Variants in SNX3 observed in about 807,000 individuals in gnomAD.
SNX3 encodes the protein sorting nexin-3.
Under a neutral mutation model 17.7 loss-of-function variants are expected in SNX3, and 5 were observed. The observed-to-expected ratio is 0.28, with a 90% CI of 0.15 to 0.59. The LOEUF (loss-of-function observed/expected upper bound fraction) is 0.59, where lower values mean the gene tolerates loss of function less well. Ranked by LOEUF, SNX3 falls within the 20% of genes least tolerant of loss-of-function variation. The probability of loss-of-function intolerance (pLI) is 0.88; values close to 1 mark genes in which losing one functional copy is unlikely to be tolerated. For missense variants in SNX3, 132 were observed against 206.8 expected (o/e 0.64, Z 2.22); for synonymous variants, 91 against 76.5 (o/e 1.19, Z -0.99).
In SNX3 at chr6:108,239,890, T is replaced by C. The variant is rs138493135; in HGVS notation, c.163-16845A>G. Among the ~76,000 whole-genome samples the C allele has an allele frequency of 4.3e-4, 65 of 152,282 alleles. 2 individuals are homozygous for C. In the South Asian group the frequency reaches 6.4e-3, roughly 15 times the overall value. Reference sequence around the variant, plus strand: ...CTTCTAAAAACATTTAAACACTGCATAAAAAGTGTTTCTGAGCACCTATAA... The same window carrying C: ...CTTCTAAAAACATTTAAACACTGCACAAAAAGTGTTTCTGAGCACCTATAA... On this transcript the variant is annotated intron_variant, in intron 1 of 3. Coordinates refer to ENST00000230085, the MANE Select transcript of SNX3 (RefSeq NM_003795.6).
At position 108,226,586 on chromosome 6, in the gene SNX3, G is replaced by C. The variant is rs530902915; in HGVS notation, c.163-3541C>G. On this transcript the variant is annotated intron_variant, in intron 1 of 3. Transcript: ENST00000230085. Reference sequence around the variant, plus strand: ...TTTACAATTGGAAGAAAAAAGTTAAGTGCCACCTGAAGGAAAGACTGGCTT... The same window carrying C: ...TTTACAATTGGAAGAAAAAAGTTAACTGCCACCTGAAGGAAAGACTGGCTT... 2.8e-4 allele frequency among the ~76,000 whole-genome samples: 42 copies of C among 152,326 alleles called. 1 individual carries two copies. In the South Asian group the frequency reaches 8.7e-3, roughly 32 times the overall value.
intron 1 of SNX3, among the ~76,000 whole-genome samples, chr6:108,242,821 A>C (rs887268132): frequency 1.3e-5 from 2 of 152,194 alleles, no homozygotes; most frequent in African/African-American, 4.8e-5. Flanking sequence ...CCTGAGATCA[A>C]AGAGATTTTT....
chr6:108,214,584 A>C lies in SNX3; in HGVS notation c.297T>G (p.Arg99=). ...VPPLPGKAFL[R]QLPFRGDDGI... ...CATCATCTCCTCTAAAAGGAAGCTG[A>C]CGCAAAAACGCTTTCCCAGGGAGCG... The change falls in exon 3 of 4, where the codon CGT becomes CGG. Residue 99 remains arginine, a synonymous_variant. Coordinates refer to ENST00000230085, the MANE Select transcript of SNX3 (RefSeq NM_003795.6). 2 of 1,613,422 alleles carry C rather than the reference A, an allele frequency of 1.2e-6. No homozygotes were observed. The highest frequency in any genetic ancestry group is 8.5e-7 in the Non-Finnish European group (1 of 1,179,836).
chr6:108,226,681 T>G (rs777659191), intron 1 of SNX3, among the ~76,000 whole-genome samples: 10 of 152,258 alleles, frequency 6.6e-5, no homozygotes, highest in Admixed American at 2.0e-4. Flanking sequence ...TTTGTTAAGC[T>G]TAATGCTACT....
intron 1 of SNX3, among the ~76,000 whole-genome samples, chr6:108,258,229 G>A (rs1350961344): frequency 1.3e-5 from 2 of 152,026 alleles, no homozygotes; most frequent in Admixed American, 1.3e-4. Flanking sequence ...GGAGGCCAAG[G>A]CAGGTGGATC....
intron 1 of SNX3, among the ~76,000 whole-genome samples, chr6:108,247,610 G>A (rs1421715654): frequency 6.6e-6 from 1 of 151,894 alleles, no homozygotes; most frequent in Admixed American, 6.6e-5. Context: ...TTGAACACCT[G>A]GGCTCAAGTG....
intron 2 of SNX3, among the ~76,000 whole-genome samples, chr6:108,221,149 T>C (rs1774757844): frequency 6.6e-6 from 1 of 152,110 alleles, no homozygotes; most frequent in African/African-American, 2.4e-5. Context: ...TATAAATAAG[T>C]TAGAAGATAC....
At chr6:108,227,737 C>T (rs1454549364) in intron 1 of SNX3, among the ~76,000 whole-genome samples, 3 of 152,018 alleles carry the variant, frequency 2.0e-5, no homozygotes, top group Non-Finnish European at 2.9e-5. Context: ...TTAACTTAGC[C>T]TGTTAAACGT....
At position 108,212,222 on chromosome 6, in the gene SNX3, C is replaced by T. The variant is rs1238891946; in HGVS notation, c.416G>A (p.Arg139His). 8.7e-6 allele frequency: 14 copies of T among 1,611,234 alleles called. No homozygotes were observed. Among genetic ancestry groups the T allele is most frequent in the Non-Finnish European group, 1.2e-5 (14 of 1,178,898 alleles). ...VAGHPLAQNE[R>H]CLHMFLQDEI... ...ATCTTGTAAAAACATGTGAAGACAA[C>T]GTTCGTTCTGTGCCAGAGGATGACC... Residue 139 changes from arginine to histidine, a missense_variant, in exon 4 of 4, where the codon CGT (arginine) becomes CAT (histidine). Arg to His is a conservative substitution (Grantham distance 29, BLOSUM62 0). This residue lies in a region of SNX3 where 54 missense variants were observed against 118.0 expected (regional missense o/e 0.46). Coordinates refer to ENST00000230085, the MANE Select transcript of SNX3 (RefSeq NM_003795.6).
At chr6:108,240,347 T>A (rs1000797356) in intron 1 of SNX3, among the ~76,000 whole-genome samples, 3 of 152,100 alleles carry the variant, frequency 2.0e-5, no homozygotes, top group Non-Finnish European at 4.4e-5. Flanking sequence ...GCTTCCCAAG[T>A]AGCTGGGATT....
intron 1 of SNX3, among the ~76,000 whole-genome samples, chr6:108,260,005 A>G (rs1216948890): frequency 6.6e-6 from 1 of 152,258 alleles, no homozygotes; most frequent in Non-Finnish European, 1.5e-5. Context: ...ATTATTGCCA[A>G]CAAATACTAG....
intron 2 of SNX3, among the ~76,000 whole-genome samples, chr6:108,215,914 G>A (rs1442742385): frequency 1.3e-5 from 2 of 151,882 alleles, no homozygotes; most frequent in African/African-American, 4.8e-5. Flanking sequence ...AGGTGACAGC[G>A]AGACCCCGTC....
Position 108,241,371 on chromosome 6 carries a change from G to A in SNX3, c.163-18326C>T, listed in dbSNP as rs180904440. On this transcript the variant is annotated intron_variant, in intron 1 of 3. Transcript: ENST00000230085. ...CAACCTGCACTGGCAAAAAGCAGAA[G>A]CTGGTCAGGTGCAGTGGCTCACGTC... 2.0e-3 allele frequency among the ~76,000 whole-genome samples: 301 copies of A among 151,934 alleles called. 3 individuals are homozygous for A. Among genetic ancestry groups the A allele is most frequent in the African/African-American group, 6.6e-3 (273 of 41,446 alleles).
At chr6:108,260,101 C>T (rs1199102056) in intron 1 of SNX3, among the ~76,000 whole-genome samples, 1 of 152,208 alleles carries the variant, frequency 6.6e-6, no homozygotes, top group Non-Finnish European at 1.5e-5. Context: ...GATCCCTAGT[C>T]TTTTCTTAAA....
At chr6:108,219,862 A>ATAATAAC (rs1442586939) in intron 2 of SNX3, among the ~76,000 whole-genome samples, 8 of 152,332 alleles carry the variant, frequency 5.3e-5, no homozygotes, top group African/African-American at 1.4e-4. Flanking sequence ...CCCATCAGAG[A>ATAATAAC]TGGACCACTT....
chr6:108,229,858 A>G (rs1301910662), intron 1 of SNX3, among the ~76,000 whole-genome samples: 2 of 152,244 alleles, frequency 1.3e-5, no homozygotes, highest in African/African-American at 2.4e-5. Flanking sequence ...TATGGGGCTA[A>G]GGTGACTACC....
At chr6:108,257,506 C>A (rs1170522084) in intron 1 of SNX3, among the ~76,000 whole-genome samples, 1 of 152,064 alleles carries the variant, frequency 6.6e-6, no homozygotes, top group Non-Finnish European at 1.5e-5. Context: ...GAACGAGACT[C>A]TTATCTCAAG....
chr6:108,239,427 A>C (rs954910395), intron 1 of SNX3, among the ~76,000 whole-genome samples: 4 of 152,200 alleles, frequency 2.6e-5, no homozygotes, highest in African/African-American at 9.6e-5. Context: ...GTTCAAGACA[A>C]GCCTGGGCAA....
chr6:108,251,796 C>T (rs1330933436), intron 1 of SNX3, among the ~76,000 whole-genome samples: 5 of 152,112 alleles, frequency 3.3e-5, no homozygotes, highest in African/African-American at 7.2e-5. Flanking sequence ...AGTGGCCAGG[C>T]GCGGTGGCTC....
Sources: allele counts gnomAD v4.1 joint callset (sites outside exome capture counted in the v4.1 genomes callset), GRCh38; gene constraint gnomAD v4.1.1; regional missense constraint gnomAD v4.1.1; transcripts MANE v1.5; gene names NCBI Gene and HGNC (gene_info 2026-07-23, HGNC 2026-07-21).